The following PARP2 variants were observed in gnomAD, a reference collection of about 807,000 sequenced individuals.
PARP2 encodes poly(ADP-ribose) polymerase 2.
In PARP2, 57 loss-of-function variants were observed where a neutral mutation model predicts 77.8. The ratio of observed to expected loss-of-function variants is 0.73; its 90% CI spans 0.59 to 0.91. The LOEUF is 0.91. PARP2 is among the 40% of genes least tolerant of loss of function. PARP2 has a pLI of 0.00. For missense variants in PARP2, 651 were observed against 689.0 expected (o/e 0.94, Z 0.62); for synonymous variants, 226 against 242.6 (o/e 0.93, Z 0.64).
intron 6 of PARP2, among the ~76,000 whole-genome samples, chr14:20,351,997 A>G (rs974697818): frequency 9.9e-5 from 15 of 152,208 alleles, no homozygotes; most frequent in Non-Finnish European, 5.9e-5. Flanking sequence ...TGAAATCTCA[A>G]TGGCTTTTGT....
chr14:20,345,867 G>A (rs1457767205), intron 3 of PARP2, among the ~76,000 whole-genome samples: 2 of 152,068 alleles, frequency 1.3e-5, no homozygotes, highest in East Asian at 3.9e-4. Context: ...GAGACAGAGA[G>A]AAAGGGAGAG....
chr14:20,347,026 TA>T lies in PARP2; in HGVS notation c.324+116del, dbSNP rs58791613. The T allele has an allele frequency of 1.4e-3, 866 of 629,112 alleles. 2 individuals carry two copies. Among genetic ancestry groups the T allele is most frequent in the African/African-American group, 5.6e-3 (297 of 53,096 alleles). The allele number at this position is 629,112 out of a possible 1,614,324, so 39.0% of individuals were successfully genotyped here. On this transcript the variant is annotated intron_variant, in intron 4 of 15. Coordinates refer to ENST00000429687, the MANE Select transcript of PARP2 (RefSeq NM_001042618.2). Reference sequence around the variant, plus strand: ...TTAAAGTCCCTTTTTTTTTTTTTTTTAAATTTTGTTTTTTCTTTTTGAAATG... The same window carrying T: ...TTAAAGTCCCTTTTTTTTTTTTTTTTAATTTTGTTTTTTCTTTTTGAAATG...
intron 5 of PARP2, 66 bp downstream of exon 5, chr14:20,350,688 C>T: frequency 1.0e-6 from 1 of 980,680 alleles, no homozygotes; most frequent in Middle Eastern, 2.1e-4. Flanking sequence ...TAGTGGGTGG[C>T]CAAAGGATTC....
intron 3 of PARP2, among the ~76,000 whole-genome samples, chr14:20,345,709 A>G (rs1424190671): frequency 1.3e-5 from 2 of 152,168 alleles, no homozygotes; most frequent in Non-Finnish European, 2.9e-5. Context: ...ACCTGAGACT[A>G]GGTATTTTAT....
Position 20,357,111 on chromosome 14 carries a change from T to C in PARP2, c.1390T>C (p.Ser464Pro), listed in dbSNP as rs1343848734. ...CAAGAGTGCCAATTACTGCTTTGCC[T>C]CTCGCCTAAAGAATACAGGACTGCT... is the stretch of plus-strand genomic sequence containing the variant. ...SSKSANYCFASRLKNTGLLLL... is the reference protein window; with the variant it reads ...SSKSANYCFAPRLKNTGLLLL... Residue 464 changes from serine (S) to proline (P), a missense_variant, in exon 14 of 16, where the codon TCT becomes CCT. Transcript: ENST00000429687. 2 of 1,612,994 alleles carry C rather than the reference T, an allele frequency of 1.2e-6. No homozygotes were observed. Among genetic ancestry groups the C allele is most frequent in the East Asian group, 2.2e-5 (1 of 44,890 alleles).
intron 3 of PARP2, chr14:20,346,594 G>T: frequency 3.2e-6 from 1 of 308,614 alleles, no homozygotes; most frequent in Non-Finnish European, 6.2e-6. Context: ...TTAGCCTCCC[G>T]AAATGCTGGG....
rs749038617 is a variant in PARP2 at position 20,345,010 on chromosome 14, G to A, written c.125G>A (p.Cys42Tyr). ...TCCCCTGCCAAGAAAACTCGTAGAT[G>A]CCAGAGACAGGAGTCGAAAAAGATG... ...DSSPAKKTRR[C>Y]QRQESKKMPV... The change falls in exon 2 of 16, where the codon TGC becomes TAC. Residue 42 changes from cysteine (C) to tyrosine (Y), a missense_variant. By Grantham distance (194) the Cys-to-Tyr change is radical. Transcript: ENST00000429687. 1.3e-5 allele frequency: 21 copies of A among 1,613,768 alleles called. No individual in the cohort carries two copies. The highest frequency in any genetic ancestry group is 5.1e-6 in the Non-Finnish European group (6 of 1,179,776).
intron 7 of PARP2, 183 bp downstream of exon 7, chr14:20,352,530 G>A (rs948368467): frequency 2.0e-5 from 8 of 408,672 alleles, no homozygotes; most frequent in Non-Finnish European, 2.6e-5. Flanking sequence ...CTACAGGCAC[G>A]TGCCACTCTG....
chr14:20,354,818 C>T lies in PARP2; in HGVS notation c.773C>T (p.Thr258Ile). The T allele has an allele frequency of 6.2e-7, 1 of 1,612,468 alleles. No individual in the cohort carries two copies. The highest frequency in any genetic ancestry group is 8.5e-7 in the Non-Finnish European group (1 of 1,179,232). Residue 258 changes from threonine to isoleucine, a missense_variant, in exon 9 of 16, where the codon ACA becomes ATA. Thr to Ile is a moderately conservative substitution (Grantham distance 89). Transcript: ENST00000429687. ...NTKKAPLGKL[T>I]VAQIKAGYQS... Reference sequence around the variant, plus strand: ...CTGGGTGGGCCTGCAGGGAAGCTGACAGTGGCACAAATCAAGGCAGGTTAC... The same window carrying T: ...CTGGGTGGGCCTGCAGGGAAGCTGATAGTGGCACAAATCAAGGCAGGTTAC...
At chr14:20,353,696 C>T (rs1006257901) in intron 7 of PARP2, among the ~76,000 whole-genome samples, 2 of 152,064 alleles carry the variant, frequency 1.3e-5, no homozygotes, top group Non-Finnish European at 2.9e-5. Context: ...TGAAACTGTC[C>T]GGAAACAGTC....
intron 3 of PARP2, 83 bp from the exon 4 acceptor site, chr14:20,346,780 C>A: frequency 2.3e-6 from 2 of 865,002 alleles, no homozygotes; most frequent in Non-Finnish European, 3.9e-6. Context: ...ATGACTTGAG[C>A]CATAAGAAAA....
At chr14:20,347,400 T>A (rs8005374) in intron 4 of PARP2, among the ~76,000 whole-genome samples, 184 of 8,766 alleles carry the variant, frequency 0.021, no homozygotes, top group Non-Finnish European at 0.034. Flanking sequence ...ATATATATAT[T>A]TTTTTTTTTT....
rs1555316985 is a variant in PARP2, at chr14:20,352,558, C to CTTTCTTTTT, written c.600+214_600+215insCTTTTTTTT. ...CCACTCTGCCCAGCTGATTTTTTTT[C>CTTTCTTTTT]TTTTTTTTTTGTAAAGATGAGGTTT... On this transcript the variant is annotated intron_variant, in intron 7 of 15. Transcript: ENST00000429687. 595 of 215,662 alleles carry CTTTCTTTTT rather than the reference C, an allele frequency of 2.8e-3. 17 individuals are homozygous for CTTTCTTTTT. The highest frequency in any genetic ancestry group is 0.017 in the African/African-American group (556 of 33,652). 13.4% of individuals were successfully genotyped at this position (215,662 alleles called of 1,614,324 possible). A position where few individuals can be genotyped will look rare whatever the true frequency, so the allele number is the denominator to read the frequency against.
Position 20,352,254 on chromosome 14 carries a change from C to G in PARP2, c.507C>G (p.Asp169Glu). ...AKEIFQKKFL[D>E]KTKNNWEDRE... Reference sequence around the variant, plus strand: ...ACCTTGGACTCTACAGATTCCTTGACAAAACGAAAAACAATTGGGAAGATC... The same window carrying G: ...ACCTTGGACTCTACAGATTCCTTGAGAAAACGAAAAACAATTGGGAAGATC... Residue 169 changes from aspartate to glutamate, a missense_variant, in exon 7 of 16, where the codon GAC becomes GAG. Asp to Glu is a conservative substitution (Grantham distance 45, BLOSUM62 2). Transcript: ENST00000429687. 1 of 1,609,012 alleles carries G rather than the reference C, an allele frequency of 6.2e-7. No homozygotes were observed.
In PARP2 at chr14:20,346,870, T is replaced by C; in HGVS notation, c.281T>C (p.Val94Ala). The C allele has an allele frequency of 7.5e-6, 12 of 1,601,962 alleles. No individual in the cohort carries two copies. The African/African-American group carries it at 8.0e-5, about 11-fold the overall frequency. ...CTCTCTCTCCCTTTCTAGGCTCATG[T>C]GTATTGTGAAGGAAATGATGTCTAT... ...ECTAKVGKAH[V>A]YCEGNDVYDV... The change falls in exon 4 of 16, where the codon GTG becomes GCG. Residue 94 changes from valine to alanine, a missense_variant. Transcript: ENST00000429687.
Position 20,345,378 on chromosome 14 carries a change from A to G in PARP2, c.203-16A>G, listed in dbSNP as rs1172383996. 5.0e-6 allele frequency: 8 copies of G among 1,605,658 alleles called. No homozygotes were observed. The East Asian group carries it at 6.7e-5, about 13-fold the overall frequency. On this transcript the variant is annotated splice_polypyrimidine_tract_variant and intron_variant, in intron 2 of 15. Coordinates refer to ENST00000429687, the MANE Select transcript of PARP2 (RefSeq NM_001042618.2). ...TTTTGATTCCCATAAAGTAGTACCT[A>G]TCTGTCTTTCCTCAGAATCTGTGAA...
chr14:20,356,800 C>T, intron 13 of PARP2, 111 bp downstream of exon 13: 1 of 847,640 alleles, frequency 1.2e-6, no homozygotes, highest in Middle Eastern at 2.5e-4. Flanking sequence ...AAGAGTTAAG[C>T]CAGCTCACTG....
chr14:20,345,205 T>C, intron 2 of PARP2, 118 bp downstream of exon 2: 1 of 1,232,522 alleles, frequency 8.1e-7, no homozygotes, highest in Non-Finnish European at 1.2e-6. Context: ...TTAATTTCTC[T>C]ATCCTTTGGG....
rs778951812 is a variant in PARP2, at chr14:20,357,070, T to TTCCCAAATC, written c.1350_1351insCCCAAATCT (p.Phe450_Ala451insProLysSer). ...TTTCAGTTTGGGAAAGGAATCTACT[T>TTCCCAAATC]TGCTGACATGTCTTCCAAGAGTGCC... On this transcript the variant is annotated inframe_insertion, in exon 14 of 16. Coordinates refer to ENST00000429687, the MANE Select transcript of PARP2 (RefSeq NM_001042618.2). The TTCCCAAATC allele has an allele frequency of 6.2e-7, 1 of 1,610,896 alleles. No individual in the cohort carries two copies. Among genetic ancestry groups the TTCCCAAATC allele is most frequent in the Non-Finnish European group, 8.5e-7 (1 of 1,177,002 alleles).
Sources: gnomAD v4.1 joint callset for allele counts (sites outside exome capture counted in the v4.1 genomes callset) on GRCh38, gnomAD v4.1.1 for gene constraint, MANE v1.5 for transcripts, NCBI Gene and HGNC (gene_info 2026-07-23, HGNC 2026-07-21) for gene names.